Variants in DCBLD1 observed in about 807,000 individuals in gnomAD.
The protein encoded by DCBLD1 is discoidin, CUB and LCCL domain-containing protein 1.
Under a neutral mutation model 71.5 loss-of-function variants are expected in DCBLD1, and 57 were observed. That is an observed-to-expected ratio of 0.80 (90% CI 0.64 to 0.99). The LOEUF is 0.99. Among genes scored for constraint, DCBLD1 ranks in the 50% least tolerant of loss-of-function variants. The pLI is 0.00. For missense variants in DCBLD1, 891 were observed against 923.5 expected, an observed-to-expected ratio of 0.96 and a Z score of 0.46; for synonymous variants, 380 against 363.8, an observed-to-expected ratio of 1.04 and a Z score of -0.51.
rs1186152463 is a variant in DCBLD1, at chr6:117,547,935, C to T, written c.1644C>T (p.Thr548=). 2.6e-6 allele frequency: 4 copies of T among 1,550,562 alleles called. No individual in the cohort carries two copies. The highest frequency in any genetic ancestry group is 1.2e-5 in the South Asian group (1 of 84,056). ...ADYQQPLMIG[T]GTVTRKGSTF... ...ACCAGCAGCCCCTCATGATTGGCAC[C>T]GGGACAGTCACGAGGAAGGGCTCCA... is the stretch of plus-strand genomic sequence containing the variant. The change falls in exon 15 of 15, where the codon ACC becomes ACT. Residue 548 remains threonine (T), a synonymous_variant. Coordinates refer to ENST00000338728, the MANE Select transcript of DCBLD1 (RefSeq NM_001366458.2).
At chr6:117,499,224 T>C (rs1292327801) in intron 1 of DCBLD1, among the ~76,000 whole-genome samples, 1 of 120,430 alleles carries the variant, frequency 8.3e-6, no homozygotes, top group Non-Finnish European at 1.6e-5. Flanking sequence ...CGACATAGTG[T>C]GGCCCCCATC....
intron 13 of DCBLD1, 59 bp from the exon 14 acceptor site, chr6:117,545,419 T>C: frequency 6.3e-7 from 1 of 1,591,054 alleles, no homozygotes; most frequent in Non-Finnish European, 8.6e-7. Flanking sequence ...GAACATGTTC[T>C]GGAGGACGCG....
rs1036897105 is a variant in DCBLD1 at position 117,503,989 on chromosome 6, G to A, written c.325+10G>A. The A allele has an allele frequency of 2.4e-5, 38 of 1,613,532 alleles. No homozygotes were observed. The highest frequency in any genetic ancestry group is 3.1e-5 in the Non-Finnish European group (36 of 1,179,898). On this transcript the variant is annotated intron_variant, in intron 2 of 14. Coordinates refer to ENST00000338728, the MANE Select transcript of DCBLD1 (RefSeq NM_001366458.2). ...TCTTCAGATCAATATGGTAAGAAAA[G>A]AGAACTAGGTTTCTCTGAGCATCAA...
intron 1 of DCBLD1, 62 bp downstream of exon 1, chr6:117,482,955 CG>C: frequency 1.6e-6 from 1 of 616,664 alleles, no homozygotes; most frequent in Non-Finnish European, 1.9e-6. Context: ...CTGAGGGCTG[CG>C]GGGCGGGCCG....
At position 117,548,245 on chromosome 6, in the gene DCBLD1, T is replaced by G. The variant is rs1484207653; in HGVS notation, c.1954T>G (p.Tyr652Asp). ...GGGTGTGGGCGCCCAGGACGGAGAC[T>G]ATCAAAGGCCACACAGCGCACAGCC... ...VAGVGAQDGDYQRPHSAQPAD... is the reference protein window; with the variant it reads ...VAGVGAQDGDDQRPHSAQPAD... Residue 652 changes from tyrosine (Y) to aspartate (D), a missense_variant, in exon 15 of 15, where the codon TAT (tyrosine) becomes GAT (aspartate). Physicochemically the swap from Tyr to Asp is radical, Grantham distance 160. Transcript: ENST00000338728. 6.4e-7 allele frequency: 1 copy of G among 1,550,448 alleles called. No homozygotes were observed. Among genetic ancestry groups the G allele is most frequent in the Non-Finnish European group, 8.7e-7 (1 of 1,146,990 alleles).
At chr6:117,533,333 C>T (rs2114526873) in intron 6 of DCBLD1, among the ~76,000 whole-genome samples, 1 of 152,262 alleles carries the variant, frequency 6.6e-6, no homozygotes, top group South Asian at 2.1e-4. Flanking sequence ...CATTCTCCCC[C>T]TGCCCTTGCT....
At chr6:117,483,660 GC>G (rs1339669605) in intron 1 of DCBLD1, among the ~76,000 whole-genome samples, 1 of 151,292 alleles carries the variant, frequency 6.6e-6, no homozygotes, top group African/African-American at 2.4e-5. Flanking sequence ...CCCTTTACCA[GC>G]CCTGGGTGTC....
intron 2 of DCBLD1, among the ~76,000 whole-genome samples, chr6:117,515,087 G>A (rs11755781): frequency 1.3e-5 from 2 of 149,048 alleles, no homozygotes; most frequent in Admixed American, 6.7e-5. Flanking sequence ...TGGTGGGATC[G>A]TGGCTCACTG....
At chr6:117,569,098 A>C (rs926243124) in intron 14 of DCBLD1, among the ~76,000 whole-genome samples, 1 of 152,190 alleles carries the variant, frequency 6.6e-6, no homozygotes, top group Non-Finnish European at 1.5e-5. Context: ...TAAGAACTTT[A>C]GTTTACTCAT....
At chr6:117,520,071 A>G (rs1583001429) in intron 3 of DCBLD1, 121 bp downstream of exon 3, 3 of 1,454,434 alleles carry the variant, frequency 2.1e-6, no homozygotes, top group Non-Finnish European at 2.8e-6. Context: ...TATGAGGGAG[A>G]AGAGGAACAT....
chr6:117,496,302 T>G (rs542384713), intron 1 of DCBLD1, among the ~76,000 whole-genome samples: 2 of 152,338 alleles, frequency 1.3e-5, no homozygotes, highest in South Asian at 4.1e-4. Flanking sequence ...AATAATTATT[T>G]TGTTTTATCA....
chr6:117,538,587 T>C (rs766437432), intron 7 of DCBLD1, 33 bp from the exon 8 acceptor site: 1 of 1,595,448 alleles, frequency 6.3e-7, no homozygotes, highest in South Asian at 1.1e-5. Context: ...TTTATGTCTG[T>C]ATCTAAAATA....
chr6:117,520,697 C>T (rs1283201400), intron 3 of DCBLD1, among the ~76,000 whole-genome samples: 1 of 152,182 alleles, frequency 6.6e-6, no homozygotes, highest in African/African-American at 2.4e-5. Flanking sequence ...CTGTCCTGGG[C>T]TCTTGTGCTT....
chr6:117,492,616 C>T (rs1777330909), intron 1 of DCBLD1, among the ~76,000 whole-genome samples: 2 of 152,132 alleles, frequency 1.3e-5, no homozygotes. Context: ...TTTTTAAAGT[C>T]CTTACTGGTA....
intron 14 of DCBLD1, among the ~76,000 whole-genome samples, chr6:117,558,331 C>T (rs754406673): frequency 9.9e-5 from 15 of 152,194 alleles, no homozygotes; most frequent in Non-Finnish European, 2.2e-4. Context: ...CCTGCTGTAA[C>T]CGGCCAACTC....
intron 5 of DCBLD1, among the ~76,000 whole-genome samples, chr6:117,526,079 A>G (rs1237130298): frequency 6.6e-6 from 1 of 152,212 alleles, no homozygotes; most frequent in Non-Finnish European, 1.5e-5. Context: ...GCAAAAACCT[A>G]TTGTTGTGAA....
chr6:117,544,577 G>T lies in DCBLD1; in HGVS notation c.1495G>T (p.Asp499Tyr). ...PYGSAEAQKT[D>Y]CWKQIKYPFA... The stretch of plus-strand genomic sequence containing the variant: ...TGGATCAGCAGAGGCTCAGAAAACA[G>T]GTTGGTTGAAAACTCTATCTACAAT... The change falls in exon 13 of 15, where the codon GAC becomes TAC. Residue 499 changes from aspartate to tyrosine, a missense_variant and splice_region_variant. Asp to Tyr is a radical substitution (Grantham distance 160). Transcript: ENST00000338728. 1 of 1,614,002 alleles carries T rather than the reference G, an allele frequency of 6.2e-7. No individual in the cohort carries two copies. The highest frequency in any genetic ancestry group is 8.5e-7 in the Non-Finnish European group (1 of 1,179,980).
chr6:117,535,028 A>G (rs1052402302), intron 6 of DCBLD1, among the ~76,000 whole-genome samples: 7 of 152,138 alleles, frequency 4.6e-5, no homozygotes, highest in African/African-American at 1.7e-4. Context: ...ACTCATTTAG[A>G]TTTGAAATCT....
chr6:117,544,428 C>T, intron 12 of DCBLD1, 100 bp from the exon 13 acceptor site: 1 of 1,152,782 alleles, frequency 8.7e-7, no homozygotes, highest in Non-Finnish European at 1.2e-6. Context: ...CTCACATCAA[C>T]CCTATGAGGT....
Sources: gnomAD v4.1 joint callset for allele counts (sites outside exome capture counted in the v4.1 genomes callset) on GRCh38, gnomAD v4.1.1 for gene constraint, MANE v1.5 for transcripts, NCBI Gene and HGNC (gene_info 2026-07-23, HGNC 2026-07-21) for gene names.